Variants in ADAM12 observed in about 807,000 individuals in gnomAD.
The protein encoded by ADAM12 is disintegrin and metalloproteinase domain-containing protein 12.
A neutral mutation model predicts 106.4 loss-of-function variants in ADAM12; 70 were observed. That is an observed-to-expected ratio of 0.66 (90% CI 0.54 to 0.80). The LOEUF is 0.80. Among genes scored for constraint, ADAM12 ranks in the 30% least tolerant of loss-of-function variants. The probability of loss-of-function intolerance (pLI) is 0.00; values close to 1 mark genes in which losing one functional copy is unlikely to be tolerated. For missense variants in ADAM12, 1,010 were observed against 1,171.9 expected (o/e 0.86, Z 2.02); for synonymous variants, 420 against 433.5 (o/e 0.97, Z 0.39).
chr10:126,181,363 C>T (rs770574038), intron 3 of ADAM12, among the ~76,000 whole-genome samples: 28 of 151,856 alleles, frequency 1.8e-4, no homozygotes, highest in South Asian at 2.1e-4. Flanking sequence ...TGAGCCATCA[C>T]GCCAAGCCTA....
chr10:126,325,197 A>C (rs146251511), intron 2 of ADAM12, among the ~76,000 whole-genome samples: 18 of 152,310 alleles, frequency 1.2e-4, no homozygotes, highest in African/African-American at 4.3e-4. Flanking sequence ...AGTTCAGAGG[A>C]GGAGAGGGAA....
chr10:126,270,506 C>G (rs1959169974), intron 3 of ADAM12, among the ~76,000 whole-genome samples: 1 of 152,200 alleles, frequency 6.6e-6, no homozygotes, highest in South Asian at 2.1e-4. Flanking sequence ...GAGCAAGGAA[C>G]TAAAATTTCA....
intron 3 of ADAM12, among the ~76,000 whole-genome samples, chr10:126,210,773 G>A (rs1050317980): frequency 8.5e-5 from 13 of 152,166 alleles, no homozygotes; most frequent in African/African-American, 3.1e-4. Flanking sequence ...GGGCTGGGTT[G>A]ACCCAGAAGT....
At chr10:126,356,156 C>A (rs1855530700) in intron 1 of ADAM12, among the ~76,000 whole-genome samples, 1 of 152,218 alleles carries the variant, frequency 6.6e-6, no homozygotes, top group African/African-American at 2.4e-5. Context: ...ACCAGATAAT[C>A]CCATCCTTCC....
At chr10:126,074,898 C>T (rs74415809) in intron 11 of ADAM12, among the ~76,000 whole-genome samples, 1,955 of 152,258 alleles carry the variant, frequency 0.013, 81 homozygotes, top group East Asian at 0.088. Context: ...ACCAGCATGC[C>T]GCCTGCCTTC....
At chr10:126,110,308 C>T (rs1233252500) in intron 6 of ADAM12, among the ~76,000 whole-genome samples, 1 of 151,878 alleles carries the variant, frequency 6.6e-6, no homozygotes. Flanking sequence ...TCCAAGTGTA[C>T]CTGTTTTGAG....
At chr10:126,295,532 TAC>T (rs1047274012) in intron 2 of ADAM12, among the ~76,000 whole-genome samples, 23 of 147,620 alleles carry the variant, frequency 1.6e-4, no homozygotes, top group African/African-American at 5.1e-4. Flanking sequence ...ACCACAAAAA[TAC>T]ACACACACAC....
In ADAM12 at chr10:126,013,849, C is replaced by T. The variant is rs1013067864; in HGVS notation, c.*3430G>A. The T allele has an allele frequency of 6.6e-6, 1 of 152,480 alleles. No individual in the cohort carries two copies. Among genetic ancestry groups the T allele is most frequent in the Non-Finnish European group, 1.5e-5 (1 of 68,298 alleles). 9.4% of individuals were successfully genotyped at this position (152,480 alleles called of 1,614,324 possible). Reference sequence around the variant, plus strand: ...GGAAAAGGGGTCCTGCAATGTCCCCCAGCAGCCTGTCATTGTGTGTGAAAC... The same window carrying T: ...GGAAAAGGGGTCCTGCAATGTCCCCTAGCAGCCTGTCATTGTGTGTGAAAC... On this transcript the variant is annotated 3_prime_UTR_variant, in exon 23 of 23. Transcript: ENST00000448723. The surrounding 1 kb of genome is among the most constrained non-coding windows in gnomAD (Gnocchi z 4.3).
At chr10:126,062,079 A>G (rs1954768618) in intron 14 of ADAM12, among the ~76,000 whole-genome samples, 1 of 152,122 alleles carries the variant, frequency 6.6e-6, no homozygotes, top group Admixed American at 6.5e-5. Context: ...AAGTCTGTAT[A>G]ATGATCTGAA....
intron 1 of ADAM12, among the ~76,000 whole-genome samples, chr10:126,344,281 C>A (rs1472738909): frequency 6.6e-6 from 1 of 152,162 alleles, no homozygotes. Context: ...AATAGGGAAT[C>A]CTTTCCCCAT....
chr10:126,292,728 AG>A (rs1355742005), intron 2 of ADAM12, among the ~76,000 whole-genome samples: 9 of 152,366 alleles, frequency 5.9e-5, no homozygotes, highest in Admixed American at 5.9e-4. Flanking sequence ...AAGCAGTCAT[AG>A]ATCATATAAA....
chr10:126,363,860 A>C (rs1855820578), intron 1 of ADAM12, among the ~76,000 whole-genome samples: 1 of 152,198 alleles, frequency 6.6e-6, no homozygotes, highest in Non-Finnish European at 1.5e-5. Context: ...TAAACAGAGA[A>C]CTAAGACCAC....
intron 3 of ADAM12, among the ~76,000 whole-genome samples, chr10:126,178,408 C>CTTTTTTTTTTTTTTTTTTT: frequency 9.6e-6 from 1 of 103,898 alleles, no homozygotes; most frequent in Non-Finnish European, 2.0e-5. Flanking sequence ...TGGAGGACAT[C>CTTTTTTTTTTTTTTTTTTT]TTTTTTTTTT....
intron 3 of ADAM12, among the ~76,000 whole-genome samples, chr10:126,171,257 T>C (rs1041943196): frequency 2.0e-5 from 3 of 152,178 alleles, no homozygotes; most frequent in Non-Finnish European, 4.4e-5. Context: ...GGCAGGGTAA[T>C]TCTTATGAAT....
intron 2 of ADAM12, among the ~76,000 whole-genome samples, chr10:126,321,847 A>G (rs1854105537): frequency 6.9e-6 from 1 of 145,540 alleles, no homozygotes; most frequent in South Asian, 2.2e-4. Context: ...CTGGATTTCA[A>G]ATCTGACAGG....
intron 6 of ADAM12, among the ~76,000 whole-genome samples, chr10:126,115,204 G>A (rs1039411715): frequency 6.6e-6 from 1 of 152,318 alleles, no homozygotes; most frequent in Admixed American, 6.5e-5. Flanking sequence ...GGGAACAATG[G>A]CACAGATAAT....
In ADAM12 at chr10:126,346,400, C is replaced by T. The variant is rs972884500; in HGVS notation, c.89-15891G>A. On this transcript the variant is annotated intron_variant, in intron 1 of 22. Transcript: ENST00000448723. The stretch of plus-strand genomic sequence containing the variant: ...TGGTCTGAGAGATAGTTTGTTATAA[C>T]TTCTGTTCTTTTACATTTGCTGAGG... 1.2e-4 allele frequency among the ~76,000 whole-genome samples: 19 copies of T among 152,084 alleles called. 1 individual carries two copies. Among genetic ancestry groups the T allele is most frequent in the African/African-American group, 4.3e-4 (18 of 41,516 alleles).
chr10:126,320,782 T>C (rs1432365487), intron 2 of ADAM12, among the ~76,000 whole-genome samples: 1 of 152,180 alleles, frequency 6.6e-6, no homozygotes, highest in Non-Finnish European at 1.5e-5. Flanking sequence ...CAGAATGTTC[T>C]CTCTCTTATT....
intron 20 of ADAM12, among the ~76,000 whole-genome samples, chr10:126,036,791 G>A (rs1006762147): frequency 6.6e-6 from 1 of 152,182 alleles, no homozygotes. Context: ...AGTTGGAGAC[G>A]TTCTCCCATA....
Sources: gnomAD v4.1 joint callset for allele counts (sites outside exome capture counted in the v4.1 genomes callset) on GRCh38, gnomAD v4.1.1 for gene constraint, Gnocchi (gnomAD v3.1) non-coding constraint, MANE v1.5 for transcripts, NCBI Gene and HGNC (gene_info 2026-07-23, HGNC 2026-07-21) for gene names.